Variants in DUSP4 observed in about 807,000 individuals in gnomAD.
DUSP4 encodes dual specificity protein phosphatase 4.
DUSP4 carries 12 observed loss-of-function variants against 27.2 expected under a neutral mutation model. That is an observed-to-expected ratio of 0.44 (90% CI 0.28 to 0.71). The LOEUF is 0.71. Among genes scored for constraint, DUSP4 ranks in the 30% least tolerant of loss-of-function variants. The pLI is 0.14. For synonymous variants in DUSP4, 257 were observed against 245.2 expected, an observed-to-expected ratio of 1.05 and a Z score of -0.45; for missense variants, 448 against 551.3, an observed-to-expected ratio of 0.81 and a Z score of 1.88.
Position 29,350,635 on chromosome 8 carries a change from G to T in DUSP4, c.-357C>A. On this transcript the variant is annotated 5_prime_UTR_variant, in exon 1 of 4. The change creates a new upstream start codon in the 5' untranslated region. Transcript: ENST00000240100. Reference sequence around the variant, plus strand: ...GCGGCTCCTGTCGCCACTGGCGCCAGCGCTGCCCTGCCTACGCTCCTCCGG... The same window carrying T: ...GCGGCTCCTGTCGCCACTGGCGCCATCGCTGCCCTGCCTACGCTCCTCCGG... 1 of 260,974 alleles carries T rather than the reference G, an allele frequency of 3.8e-6. No individual in the cohort carries two copies. The highest frequency in any genetic ancestry group is 7.2e-6 in the Non-Finnish European group (1 of 139,052). 16.2% of individuals were successfully genotyped at this position (260,974 alleles called of 1,614,324 possible).
chr8:29,349,298 T>TA (rs1267539972), intron 1 of DUSP4, among the ~76,000 whole-genome samples: 1 of 151,634 alleles, frequency 6.6e-6, no homozygotes, highest in Admixed American at 6.6e-5. Context: ...GGAACGCAGA[T>TA]ACAGATCGCT....
At chr8:29,348,047 C>G in intron 1 of DUSP4, 1 of 985,604 alleles carries the variant, frequency 1.0e-6, no homozygotes, top group Non-Finnish European at 1.2e-6. Context: ...GCGGTCCCCT[C>G]GGGATTTCTT....
chr8:29,335,213 C>A lies in DUSP4; in HGVS notation c.*1813G>T, dbSNP rs147913032. ...GTAGCTTGTTCCCTCCTCCCTCCCCCCCAAACCCTCCCCACAGAAAACGTG... is the reference window on the plus strand; with the variant it reads ...GTAGCTTGTTCCCTCCTCCCTCCCCACCAAACCCTCCCCACAGAAAACGTG... On this transcript the variant is annotated 3_prime_UTR_variant, in exon 4 of 4. Coordinates refer to ENST00000240100, the MANE Select transcript of DUSP4 (RefSeq NM_001394.7). The A allele has an allele frequency of 4.4e-4, 67 of 152,276 alleles. No homozygotes were observed. Among genetic ancestry groups the A allele is most frequent in the Admixed American group, 3.3e-3 (51 of 15,292 alleles). The allele number at this position is 152,276 out of a possible 1,614,324, so 9.4% of individuals were successfully genotyped here.
At position 29,336,972 on chromosome 8, in the gene DUSP4, C is replaced by T. The variant is rs1587042749; in HGVS notation, c.*54G>A. The T allele has an allele frequency of 1.4e-6, 2 of 1,479,672 alleles. No individual in the cohort carries two copies. Among genetic ancestry groups the T allele is most frequent in the Non-Finnish European group, 1.8e-6 (2 of 1,115,128 alleles). The allele number at this position is 1,479,672 out of a possible 1,614,324, so 91.7% of individuals were successfully genotyped here. On this transcript the variant is annotated 3_prime_UTR_variant, in exon 4 of 4. Coordinates refer to ENST00000240100, the MANE Select transcript of DUSP4 (RefSeq NM_001394.7). Reference sequence around the variant, plus strand: ...GTCCCAACTTTCTGCCCGCATGCGGCCCGTCCTACCCTTGCTGGGAGCCAG... The same window carrying T: ...GTCCCAACTTTCTGCCCGCATGCGGTCCGTCCTACCCTTGCTGGGAGCCAG...
At chr8:29,340,711 T>G (rs1255001638) in intron 1 of DUSP4, among the ~76,000 whole-genome samples, 1 of 152,142 alleles carries the variant, frequency 6.6e-6, no homozygotes, top group African/African-American at 2.4e-5. Flanking sequence ...GTACAAACTC[T>G]TCTGGATCTC....
chr8:29,341,545 A>G (rs3824133), intron 1 of DUSP4, among the ~76,000 whole-genome samples: 30,784 of 152,050 alleles, frequency 0.2, 4,098 homozygotes, highest in East Asian at 0.6. Context: ...CAGGATATAA[A>G]TGGATCTCTC....
chr8:29,345,617 T>C, intron 1 of DUSP4: 1 of 1,488,278 alleles, frequency 6.7e-7, no homozygotes, highest in Non-Finnish European at 8.9e-7. Flanking sequence ...TTTCAAGGAA[T>C]TTCTTGGCTC....
Position 29,337,011 on chromosome 8 carries a change from G to A in DUSP4, c.*15C>T, listed in dbSNP as rs530123517. 2.5e-6 allele frequency: 4 copies of A among 1,571,810 alleles called. No homozygotes were observed. The highest frequency in any genetic ancestry group is 2.7e-5 in the African/African-American group (2 of 74,150). On this transcript the variant is annotated 3_prime_UTR_variant, in exon 4 of 4. Coordinates refer to ENST00000240100, the MANE Select transcript of DUSP4 (RefSeq NM_001394.7). This position sits in a 1 kb window ranked among gnomAD's most constrained non-coding sequence, Gnocchi z 6.4. ...GCTGGGAGCCAGCTCTGGTTCTGGG[G>A]CCCCCAGGGCGGCTCTAACAGCTGG...
chr8:29,347,643 C>G lies in DUSP4; in HGVS notation c.433+2203G>C, dbSNP rs553034147. On this transcript the variant is annotated intron_variant, in intron 1 of 3. Transcript: ENST00000240100. ...TGCACACCTCCATCTGCAAGGATGTCCACTTTGAGATGCAGAAGATGATTC... is the reference window on the plus strand; with the variant it reads ...TGCACACCTCCATCTGCAAGGATGTGCACTTTGAGATGCAGAAGATGATTC... The G allele has an allele frequency of 2.8e-5, 19 of 674,640 alleles. No individual in the cohort carries two copies. The South Asian group carries it at 1.1e-3, about 40-fold the overall frequency. The allele number at this position is 674,640 out of a possible 1,614,324, so 41.8% of individuals were successfully genotyped here.
At position 29,337,516 on chromosome 8, in the gene DUSP4, G is replaced by A. The variant is rs1419204993; in HGVS notation, c.800-105C>T. 2.3e-5 allele frequency: 34 copies of A among 1,462,082 alleles called. No individual in the cohort carries two copies. In the East Asian group the frequency reaches 7.4e-4, roughly 32 times the overall value. The allele number at this position is 1,462,082 out of a possible 1,614,324, so 90.6% of individuals were successfully genotyped here. Reference sequence around the variant, plus strand: ...TCGGGGGGCTCTGAAGGAAGGACTAGCCGTGCTAGACCAAGGACTGGAGAG... The same window carrying A: ...TCGGGGGGCTCTGAAGGAAGGACTAACCGTGCTAGACCAAGGACTGGAGAG... On this transcript the variant is annotated intron_variant, in intron 3 of 3. Transcript: ENST00000240100. This position sits in a 1 kb window ranked among gnomAD's most constrained non-coding sequence, Gnocchi z 6.4.
Position 29,350,445 on chromosome 8 carries a change from T to G in DUSP4, c.-167A>C. 1.3e-5 allele frequency: 10 copies of G among 779,020 alleles called. No homozygotes were observed. Among genetic ancestry groups the G allele is most frequent in the Non-Finnish European group, 1.5e-5 (8 of 517,126 alleles). The allele number at this position is 779,020 out of a possible 1,614,324, so 48.3% of individuals were successfully genotyped here. ...GGAGAGCCTCTTCTTCCCTGTCCCC[T>G]TCCTCCCGCAGCCTCGCGGTCACAT... On this transcript the variant is annotated 5_prime_UTR_variant, in exon 1 of 4. Coordinates refer to ENST00000240100, the MANE Select transcript of DUSP4 (RefSeq NM_001394.7).
intron 1 of DUSP4, among the ~76,000 whole-genome samples, chr8:29,346,398 T>C (rs1184305887): frequency 2.0e-5 from 3 of 152,208 alleles, no homozygotes; most frequent in Non-Finnish European, 1.5e-5. Context: ...TCTTTTTGCA[T>C]AACAGATTAT....
chr8:29,346,870 T>C (rs1187376512), intron 1 of DUSP4, among the ~76,000 whole-genome samples: 1 of 152,212 alleles, frequency 6.6e-6, no homozygotes. Context: ...TAGAATTAGA[T>C]AGCTTTGGCT....
At chr8:29,348,339 C>T (rs1002010889) in intron 1 of DUSP4, 5 of 985,498 alleles carry the variant, frequency 5.1e-6, no homozygotes, top group Non-Finnish European at 6.0e-6. Flanking sequence ...CCCTGGTGGC[C>T]TAACCAGGAC....
chr8:29,340,242 G>T lies in DUSP4; in HGVS notation c.435C>A (p.Gly145=), dbSNP rs778377038. ...AERTDICLLK[G]GYERFSSEYP... ...ACTCGGAGGAAAACCTCTCATAGCC[G>T]CCTGTAAAGGAGAAAGAAGCTCAGG... Residue 145 remains glycine (G), a splice_region_variant and synonymous_variant, in exon 2 of 4, where the codon GGC becomes GGA. Coordinates refer to ENST00000240100, the MANE Select transcript of DUSP4 (RefSeq NM_001394.7). The T allele has an allele frequency of 6.2e-7, 1 of 1,607,180 alleles. No individual in the cohort carries two copies. Among genetic ancestry groups the T allele is most frequent in the South Asian group, 1.1e-5 (1 of 90,264 alleles).
intron 2 of DUSP4, among the ~76,000 whole-genome samples, chr8:29,338,738 A>C (rs1817615096): frequency 6.6e-6 from 1 of 152,142 alleles, no homozygotes; most frequent in South Asian, 2.1e-4. Flanking sequence ...AGGGCAGGTA[A>C]AGTCTTGTGG....
intron 2 of DUSP4, among the ~76,000 whole-genome samples, chr8:29,338,768 C>T (rs536685547): frequency 2.6e-5 from 4 of 152,224 alleles, no homozygotes; most frequent in African/African-American, 7.2e-5. Flanking sequence ...GCACCTCCCC[C>T]ATGGCAAAAT....
At position 29,337,951 on chromosome 8, in the gene DUSP4, AAAAT is replaced by A. The variant is rs370187195; in HGVS notation, c.799+327_799+330del. ...GGGCAACAGAGCAAGGCTCTGTCTC[AAAAT>A]AAATAAATAAATAGAAATAAAATAA... On this transcript the variant is annotated intron_variant, in intron 3 of 3. Coordinates refer to ENST00000240100, the MANE Select transcript of DUSP4 (RefSeq NM_001394.7). This position sits in a 1 kb window ranked among gnomAD's most constrained non-coding sequence, Gnocchi z 6.4. Among the ~76,000 whole-genome samples, 341 of 152,234 alleles carry A rather than the reference AAAAT, an allele frequency of 2.2e-3. 5 individuals carry two copies. The highest frequency in any genetic ancestry group is 8.0e-3 in the African/African-American group (331 of 41,512).
intron 1 of DUSP4, among the ~76,000 whole-genome samples, chr8:29,342,444 G>C (rs903447096): frequency 6.6e-6 from 1 of 152,148 alleles, no homozygotes; most frequent in Non-Finnish European, 1.5e-5. Flanking sequence ...TTCCCTTCTC[G>C]GTGCCTACAT....
Sources: allele counts gnomAD v4.1 joint callset (sites outside exome capture counted in the v4.1 genomes callset), GRCh38; gene constraint gnomAD v4.1.1; non-coding constraint Gnocchi (gnomAD v3.1); transcripts MANE v1.5; gene names NCBI Gene and HGNC (gene_info 2026-07-23, HGNC 2026-07-21).